The following ADAMTS18 variants were observed in gnomAD, a reference collection of about 807,000 sequenced individuals.
ADAMTS18 encodes the protein ADAM metallopeptidase with thrombospondin type 1 motif 18.
A neutral mutation model predicts 165.9 loss-of-function variants in ADAMTS18; 157 were observed. The ratio of observed to expected loss-of-function variants is 0.95; its 90% CI spans 0.83 to 1.08. The LOEUF (loss-of-function observed/expected upper bound fraction) is 1.08. Among genes scored for constraint, ADAMTS18 ranks in the 50% least tolerant of loss-of-function variants. The probability of loss-of-function intolerance (pLI) is 0.00; values close to 1 mark genes in which losing one functional copy is unlikely to be tolerated. For synonymous variants in ADAMTS18, 782 were observed against 578.2 expected (o/e 1.35, Z -5.06); for missense variants, 2,040 against 1,534.0 (o/e 1.33, Z -5.51).
intron 3 of ADAMTS18, among the ~76,000 whole-genome samples, chr16:77,425,995 G>C: frequency 6.6e-6 from 1 of 151,974 alleles, no homozygotes; most frequent in East Asian, 1.9e-4. Context: ...GCAGTGGGCC[G>C]AGATCGCTGC....
Position 77,297,337 on chromosome 16 carries a change from T to C in ADAMTS18, c.2753A>G (p.Lys918Arg). 6.2e-7 allele frequency: 1 copy of C among 1,614,170 alleles called. No individual in the cohort carries two copies. Among genetic ancestry groups the C allele is most frequent in the Non-Finnish European group, 8.5e-7 (1 of 1,180,004 alleles). The change falls in exon 18 of 23, where the codon AAG becomes AGG. Residue 918 changes from lysine to arginine, a missense_variant. Coordinates refer to ENST00000282849, the MANE Select transcript of ADAMTS18 (RefSeq NM_199355.4). ...GCAGATTTTGGGCTCAGTTACTGGC[T>C]TGGTTTTTGCACTGCAGAATGAGGA... is the stretch of plus-strand genomic sequence containing the variant. Reference protein sequence around the residue: ...VNSSFCSAKTKPVTEPKICNA... With the variant: ...VNSSFCSAKTRPVTEPKICNA...
At chr16:77,360,818 G>A (rs2056701850) in intron 7 of ADAMTS18, among the ~76,000 whole-genome samples, 1 of 152,180 alleles carries the variant, frequency 6.6e-6, no homozygotes, top group Admixed American at 6.5e-5. Context: ...CTGGCACAGT[G>A]GCTCATGCCC....
intron 3 of ADAMTS18, among the ~76,000 whole-genome samples, chr16:77,410,927 A>C (rs1435352133): frequency 6.6e-6 from 1 of 152,152 alleles, no homozygotes; most frequent in Non-Finnish European, 1.5e-5. Context: ...AAAAAATATA[A>C]CATTCTGGCC....
intron 11 of ADAMTS18, among the ~76,000 whole-genome samples, chr16:77,339,925 C>T (rs1367181525): frequency 6.6e-6 from 1 of 152,116 alleles, no homozygotes; most frequent in Non-Finnish European, 1.5e-5. Context: ...GTGCCTTTGC[C>T]TCTGATGTTG....
At chr16:77,428,865 T>G (rs1223601115) in intron 3 of ADAMTS18, among the ~76,000 whole-genome samples, 1 of 152,176 alleles carries the variant, frequency 6.6e-6, no homozygotes, top group Non-Finnish European at 1.5e-5. Flanking sequence ...AAGGAATAAC[T>G]CAATTTATAC....
intron 6 of ADAMTS18, 75 bp downstream of exon 6, chr16:77,363,727 G>A (rs2056749847): frequency 2.9e-6 from 4 of 1,386,376 alleles, no homozygotes; most frequent in Non-Finnish European, 4.1e-6. Flanking sequence ...ATGGATTAGT[G>A]AACACAGTAG....
chr16:77,386,391 C>T (rs1025322), intron 3 of ADAMTS18, among the ~76,000 whole-genome samples: 86,220 of 151,988 alleles, frequency 0.57, 25,111 homozygotes, highest in East Asian at 0.71. Flanking sequence ...ACCTGGACTT[C>T]GACAGGTTTT....
chr16:77,283,881 T>C lies in ADAMTS18; in HGVS notation c.*75A>G. 1.7e-6 allele frequency: 2 copies of C among 1,152,876 alleles called. No homozygotes were observed. Among genetic ancestry groups the C allele is most frequent in the Non-Finnish European group, 2.6e-6 (2 of 763,138 alleles). 71.4% of individuals were successfully genotyped at this position (1,152,876 alleles called of 1,614,324 possible). A position where few individuals can be genotyped will look rare whatever the true frequency, so the allele number is the denominator to read the frequency against. On this transcript the variant is annotated 3_prime_UTR_variant, in exon 23 of 23. Transcript: ENST00000282849. ...ATGGTTCTCGGTGCTCAGCTCCTGG[T>C]CTCAAAGGCAGCTGGTCTCTCTAGA...
At chr16:77,349,855 T>C (rs924636181) in intron 10 of ADAMTS18, among the ~76,000 whole-genome samples, 14 of 152,190 alleles carry the variant, frequency 9.2e-5, no homozygotes, top group Non-Finnish European at 1.9e-4. Flanking sequence ...TTCACAAGAA[T>C]TTAAATATCT....
intron 8 of ADAMTS18, among the ~76,000 whole-genome samples, chr16:77,356,790 A>G (rs2056637390): frequency 6.6e-6 from 1 of 152,180 alleles, no homozygotes; most frequent in South Asian, 2.1e-4. Context: ...TCTAGAAATC[A>G]TGCACATTAT....
intron 10 of ADAMTS18, among the ~76,000 whole-genome samples, chr16:77,350,728 T>G (rs1006882695): frequency 6.6e-6 from 1 of 152,202 alleles, no homozygotes; most frequent in African/African-American, 2.4e-5. Flanking sequence ...GAGCTTTTGT[T>G]AGAATATGGG....
intron 16 of ADAMTS18, among the ~76,000 whole-genome samples, chr16:77,317,402 C>A (rs532346721): frequency 1.3e-5 from 2 of 152,140 alleles, no homozygotes; most frequent in Non-Finnish European, 2.9e-5. Flanking sequence ...GATGCAATCT[C>A]GGCTCACTGC....
Position 77,415,489 on chromosome 16 carries a change from C to T in ADAMTS18, c.495+15806G>A, listed in dbSNP as rs766015276. On this transcript the variant is annotated intron_variant, in intron 3 of 22. Transcript: ENST00000282849. ...AGCAACCCTGGGATTATCTTCCATC[C>T]TCTTTGCTAACCCCAGGTGTCCCAG... Among the ~76,000 whole-genome samples, 5 of 152,130 alleles carry T rather than the reference C, an allele frequency of 3.3e-5. No individual in the cohort carries two copies. The East Asian group carries it at 9.6e-4, about 29-fold the overall frequency.
At chr16:77,343,735 C>A (rs1198589159) in intron 10 of ADAMTS18, among the ~76,000 whole-genome samples, 2 of 152,130 alleles carry the variant, frequency 1.3e-5, no homozygotes, top group African/African-American at 4.8e-5. Context: ...TATAAAGAAA[C>A]AGAACCAGAT....
intron 19 of ADAMTS18, among the ~76,000 whole-genome samples, chr16:77,294,152 C>T (rs189617247): frequency 2.0e-5 from 3 of 152,040 alleles, no homozygotes; most frequent in Admixed American, 2.0e-4. Flanking sequence ...TTCATTCTTC[C>T]CCATAATTTG....
chr16:77,288,355 G>T (rs749046047), intron 22 of ADAMTS18, among the ~76,000 whole-genome samples: 12 of 151,930 alleles, frequency 7.9e-5, no homozygotes, highest in Non-Finnish European at 1.6e-4. Context: ...TAGTATCCCA[G>T]CATGGACTAG....
At chr16:77,308,496 G>A (rs1271565451) in intron 16 of ADAMTS18, among the ~76,000 whole-genome samples, 1 of 151,482 alleles carries the variant, frequency 6.6e-6, no homozygotes, top group African/African-American at 2.4e-5. Flanking sequence ...AGAGAAAGGA[G>A]GAGCATGAAC....
chr16:77,403,807 A>G (rs1245897187), intron 3 of ADAMTS18, among the ~76,000 whole-genome samples: 1 of 152,210 alleles, frequency 6.6e-6, no homozygotes, highest in East Asian at 1.9e-4. Context: ...CAAATAACCA[A>G]GGAATCACAC....
intron 20 of ADAMTS18, 118 bp from the exon 21 acceptor site, chr16:77,291,596 A>G (rs528340551): frequency 2.0e-6 from 2 of 1,002,846 alleles, no homozygotes; most frequent in African/African-American, 1.6e-5. Flanking sequence ...GGGATTACAC[A>G]AGGTCAACCA....
Sources: gnomAD v4.1 joint callset for allele counts (sites outside exome capture counted in the v4.1 genomes callset) on GRCh38, gnomAD v4.1.1 for gene constraint, MANE v1.5 for transcripts, NCBI Gene and HGNC (gene_info 2026-07-23, HGNC 2026-07-21) for gene names.